Variants in KCNIP4 observed in about 807,000 individuals in gnomAD.
KCNIP4 encodes the protein potassium voltage-gated channel interacting protein 4.
Under a neutral mutation model 34.0 loss-of-function variants are expected in KCNIP4, and 12 were observed. The ratio of observed to expected loss-of-function variants is 0.35; its 90% CI spans 0.23 to 0.57. The LOEUF (loss-of-function observed/expected upper bound fraction) is 0.57, where lower values mean the gene tolerates loss of function less well. Ranked by LOEUF, KCNIP4 falls within the 20% of genes least tolerant of loss-of-function variation. The pLI, the probability that KCNIP4 is intolerant of heterozygous loss-of-function variation, is 0.83. For synonymous variants in KCNIP4, 124 were observed against 102.2 expected (o/e 1.21, Z -1.29); for missense variants, 238 against 311.7 (o/e 0.76, Z 1.78).
chr4:21,931,991 G>C (rs939149796), intron 1 of KCNIP4, among the ~76,000 whole-genome samples: 5 of 152,062 alleles, frequency 3.3e-5, no homozygotes, highest in African/African-American at 1.2e-4. Context: ...ACACATTGTA[G>C]TTGGGTAGGC....
At chr4:21,783,505 C>T (rs1293894305) in intron 1 of KCNIP4, among the ~76,000 whole-genome samples, 3 of 152,092 alleles carry the variant, frequency 2.0e-5, no homozygotes, top group Admixed American at 6.6e-5. Context: ...AGTGCTTGAT[C>T]ACATTGAAAA....
At chr4:20,888,049 T>G (rs1725512517) in intron 1 of KCNIP4, among the ~76,000 whole-genome samples, 1 of 151,874 alleles carries the variant, frequency 6.6e-6, no homozygotes, top group Non-Finnish European at 1.5e-5. Flanking sequence ...GGAGACATAC[T>G]GAAATCTCTA....
chr4:20,745,193 C>T (rs1393643717), intron 5 of KCNIP4, among the ~76,000 whole-genome samples: 1 of 151,270 alleles, frequency 6.6e-6, no homozygotes, highest in Non-Finnish European at 1.5e-5. Flanking sequence ...CTTTTTGTTG[C>T]TGTGAACCAA....
intron 5 of KCNIP4, among the ~76,000 whole-genome samples, chr4:20,738,626 C>T (rs1472163051): frequency 6.6e-6 from 1 of 152,182 alleles, no homozygotes; most frequent in African/African-American, 2.4e-5. Context: ...GGGAATCCCC[C>T]CAAGATGGCT....
At chr4:21,900,289 C>T (rs1040495793) in intron 1 of KCNIP4, among the ~76,000 whole-genome samples, 1 of 152,140 alleles carries the variant, frequency 6.6e-6, no homozygotes, top group African/African-American at 2.4e-5. Flanking sequence ...GGAGGCACTT[C>T]AATTTAACAG....
chr4:21,480,994 A>T (rs954966490), intron 1 of KCNIP4, among the ~76,000 whole-genome samples: 1 of 152,214 alleles, frequency 6.6e-6, no homozygotes, highest in African/African-American at 2.4e-5. Context: ...GAAATATGAA[A>T]GGAGACCAGT....
chr4:20,841,748 T>TA (rs33945225), intron 3 of KCNIP4, among the ~76,000 whole-genome samples: 29,910 of 149,688 alleles, frequency 0.2, 3,147 homozygotes, highest in South Asian at 0.39. Context: ...AGGGCCATCT[T>TA]AAAAAAAAAA....
At chr4:21,210,872 A>T (rs1460534222) in intron 1 of KCNIP4, among the ~76,000 whole-genome samples, 2 of 152,232 alleles carry the variant, frequency 1.3e-5, no homozygotes, top group East Asian at 3.8e-4. Flanking sequence ...AAATGCAAAA[A>T]AAGATTAAAA....
At chr4:21,820,581 C>A (rs981160366) in intron 1 of KCNIP4, among the ~76,000 whole-genome samples, 3 of 151,834 alleles carry the variant, frequency 2.0e-5, no homozygotes, top group Non-Finnish European at 1.5e-5. Context: ...AATTCTGCTA[C>A]CTTCCTCTGC....
At chr4:21,783,266 A>G (rs1026689379) in intron 1 of KCNIP4, among the ~76,000 whole-genome samples, 1 of 152,192 alleles carries the variant, frequency 6.6e-6, no homozygotes, top group African/African-American at 2.4e-5. Flanking sequence ...GAAACTTTCT[A>G]TTCATTTATA....
intron 1 of KCNIP4, among the ~76,000 whole-genome samples, chr4:21,293,717 G>T (rs1296511192): frequency 6.6e-6 from 1 of 152,160 alleles, no homozygotes; most frequent in Non-Finnish European, 1.5e-5. Flanking sequence ...GGTATTGTGG[G>T]ATCTGAAACA....
chr4:20,961,438 C>T (rs1733837655), intron 1 of KCNIP4, among the ~76,000 whole-genome samples: 1 of 152,056 alleles, frequency 6.6e-6, no homozygotes, highest in African/African-American at 2.4e-5. Context: ...ACACTGATCT[C>T]TTGCGAAGAA....
chr4:21,220,217 T>G (rs552546431), intron 1 of KCNIP4, among the ~76,000 whole-genome samples: 3 of 152,202 alleles, frequency 2.0e-5, no homozygotes. Flanking sequence ...ACAGTGACTA[T>G]GTGACTATGT....
At chr4:20,764,644 C>T (rs1008504554) in intron 3 of KCNIP4, among the ~76,000 whole-genome samples, 10 of 151,132 alleles carry the variant, frequency 6.6e-5, no homozygotes, top group African/African-American at 2.4e-4. Flanking sequence ...AAGTCTCACA[C>T]CGAGAGGAGC....
At chr4:21,894,183 A>C (rs1172251753) in intron 1 of KCNIP4, among the ~76,000 whole-genome samples, 1 of 151,938 alleles carries the variant, frequency 6.6e-6, no homozygotes, top group African/African-American at 2.4e-5. Flanking sequence ...AATACAAAAA[A>C]AAATTAGCTG....
At chr4:21,752,769 T>C (rs1260304712) in intron 1 of KCNIP4, among the ~76,000 whole-genome samples, 2 of 152,178 alleles carry the variant, frequency 1.3e-5, no homozygotes, top group Non-Finnish European at 2.9e-5. Context: ...TTTGTTTTGT[T>C]ATAGCTAGGC....
intron 5 of KCNIP4, among the ~76,000 whole-genome samples, chr4:20,734,936 T>C (rs182204635): frequency 1.1e-3 from 161 of 152,256 alleles, no homozygotes; most frequent in African/African-American, 3.4e-3. Context: ...ATATTCTAAT[T>C]GGAAACTGAG....
intron 1 of KCNIP4, among the ~76,000 whole-genome samples, chr4:21,441,449 C>A (rs550753954): frequency 2.8e-4 from 43 of 152,196 alleles, no homozygotes; most frequent in Non-Finnish European, 4.4e-4. Context: ...GGCCACGACA[C>A]CTTTCTTAAT....
intron 1 of KCNIP4, among the ~76,000 whole-genome samples, chr4:21,201,861 T>C (rs1756522202): frequency 6.6e-6 from 1 of 152,250 alleles, no homozygotes; most frequent in African/African-American, 2.4e-5. Context: ...AATAAATAAC[T>C]ACCTTTATAA....
Sources: allele counts gnomAD v4.1 joint callset (sites outside exome capture counted in the v4.1 genomes callset), GRCh38; gene constraint gnomAD v4.1.1; transcripts MANE v1.5; gene names NCBI Gene and HGNC (gene_info 2026-07-23, HGNC 2026-07-21).